DIP2C: variants seen among roughly 807,000 people sequenced by gnomAD.
DIP2C encodes DIP2 acetate--CoA ligase C (putative).
A neutral mutation model predicts 192.4 loss-of-function variants in DIP2C; 33 were observed. The ratio of observed to expected loss-of-function variants is 0.17; its 90% CI spans 0.13 to 0.23. The LOEUF (loss-of-function observed/expected upper bound fraction) is 0.23. Ranked by LOEUF, DIP2C falls within the 10% of genes least tolerant of loss-of-function variation. The probability of loss-of-function intolerance (pLI) is 1.00; values close to 1 mark genes in which losing one functional copy is unlikely to be tolerated. For missense variants in DIP2C, 1,537 were observed against 2,110.1 expected, an observed-to-expected ratio of 0.73 and a Z score of 5.32; for synonymous variants, 979 against 864.1, an observed-to-expected ratio of 1.13 and a Z score of -2.33.
intron 36 of DIP2C, among the ~76,000 whole-genome samples, chr10:278,146 C>T (rs897191336): frequency 2.7e-5 from 4 of 150,444 alleles, no homozygotes; most frequent in Admixed American, 2.0e-4. Context: ...TCTGTGCGCC[C>T]GAGTCCAGCT....
intron 1 of DIP2C, among the ~76,000 whole-genome samples, chr10:496,787 T>C (rs904813847): frequency 6.6e-6 from 1 of 151,924 alleles, no homozygotes; most frequent in Admixed American, 6.6e-5. Context: ...CCAAACAATG[T>C]GAGTGCTGAG....
chr10:330,088 G>C (rs1957436796), intron 29 of DIP2C, among the ~76,000 whole-genome samples: 1 of 152,132 alleles, frequency 6.6e-6, no homozygotes, highest in Non-Finnish European at 1.5e-5. Context: ...GAGCTGAGTG[G>C]TCAGAGACCA....
At chr10:661,188 G>C (rs1028312597) in intron 1 of DIP2C, among the ~76,000 whole-genome samples, 1 of 152,164 alleles carries the variant, frequency 6.6e-6, no homozygotes, top group Non-Finnish European at 1.5e-5. Context: ...GGACCGCACC[G>C]AGTGGATGAC....
chr10:610,083 G>C (rs528217510), intron 1 of DIP2C, among the ~76,000 whole-genome samples: 2 of 152,282 alleles, frequency 1.3e-5, no homozygotes, highest in East Asian at 3.9e-4. Flanking sequence ...CCTGAGTGCC[G>C]GTCAACAGGG....
intron 1 of DIP2C, among the ~76,000 whole-genome samples, chr10:536,017 G>A (rs532893628): frequency 2.0e-5 from 3 of 152,290 alleles, no homozygotes; most frequent in East Asian, 3.9e-4. Flanking sequence ...CAGCTCCCCT[G>A]GGTTTCCATA....
chr10:464,117 A>G (rs1970014467), intron 3 of DIP2C, among the ~76,000 whole-genome samples: 2 of 152,216 alleles, frequency 1.3e-5, no homozygotes, highest in Non-Finnish European at 2.9e-5. Context: ...ACCAAAAGCA[A>G]TAGCAACAAA....
intron 1 of DIP2C, among the ~76,000 whole-genome samples, chr10:500,945 T>C (rs559720878): frequency 3.9e-5 from 6 of 152,292 alleles, no homozygotes; most frequent in East Asian, 1.9e-4. Context: ...AAAAGGCTTG[T>C]AGTTAATTTA....
chr10:364,352 T>C, intron 20 of DIP2C, 22 bp downstream of exon 20: 2 of 1,598,486 alleles, frequency 1.3e-6, no homozygotes, highest in South Asian at 1.1e-5. Flanking sequence ...ACCATATGCT[T>C]GATTTGCAGA....
intron 1 of DIP2C, among the ~76,000 whole-genome samples, chr10:486,823 G>A (rs987987458): frequency 2.6e-5 from 4 of 152,126 alleles, no homozygotes; most frequent in African/African-American, 4.8e-5. Flanking sequence ...ATCCCCACCC[G>A]CTGGCACAGG....
chr10:463,593 T>A (rs1441710304), intron 3 of DIP2C, among the ~76,000 whole-genome samples: 1 of 152,124 alleles, frequency 6.6e-6, no homozygotes, highest in Non-Finnish European at 1.5e-5. Context: ...TTCAATGCTA[T>A]CCCCATCGAG....
intron 1 of DIP2C, among the ~76,000 whole-genome samples, chr10:623,565 G>A (rs1400389967): frequency 9.8e-6 from 1 of 102,540 alleles, no homozygotes; most frequent in Non-Finnish European, 2.0e-5. Context: ...GGGGAGGAGG[G>A]GAGGGATGCA....
At chr10:477,673 AATAG>A (rs898954346) in intron 2 of DIP2C, among the ~76,000 whole-genome samples, 4 of 142,834 alleles carry the variant, frequency 2.8e-5, no homozygotes, top group South Asian at 2.5e-4. Flanking sequence ...GGAAGTGGTG[AATAG>A]ATAGGAGGAA....
chr10:631,193 A>G (rs2131884425), intron 1 of DIP2C: 1 of 152,394 alleles, frequency 6.6e-6, no homozygotes, highest in Non-Finnish European at 1.5e-5. Flanking sequence ...GAGTTCAAAT[A>G]ATTCACATAA....
intron 32 of DIP2C, among the ~76,000 whole-genome samples, chr10:297,333 A>C (rs1955809993): frequency 6.6e-6 from 1 of 150,520 alleles, no homozygotes; most frequent in Non-Finnish European, 1.5e-5. Context: ...GCGCCTATCC[A>C]AAGGAAATGA....
intron 2 of DIP2C, among the ~76,000 whole-genome samples, chr10:479,221 G>A (rs952967524): frequency 2.7e-5 from 4 of 150,782 alleles, no homozygotes. Flanking sequence ...ACACTGGTAA[G>A]AAATTTAATA....
intron 2 of DIP2C, among the ~76,000 whole-genome samples, chr10:478,897 AAG>A (rs1371943400): frequency 6.6e-6 from 1 of 152,058 alleles, no homozygotes; most frequent in African/African-American, 2.4e-5. Context: ...TAGGGGGAGG[AAG>A]AGAGGGGTAG....
At chr10:583,562 G>T (rs189269862) in intron 1 of DIP2C, among the ~76,000 whole-genome samples, 2 of 152,308 alleles carry the variant, frequency 1.3e-5, no homozygotes, top group African/African-American at 4.8e-5. Context: ...ACACAGGTCA[G>T]GGCCCTCTTG....
chr10:352,613 AGGGCCATGGGTCACACCAGGT>A (rs1461641447), intron 24 of DIP2C, among the ~76,000 whole-genome samples: 1 of 152,210 alleles, frequency 6.6e-6, no homozygotes, highest in Non-Finnish European at 1.5e-5. Context: ...ATGGCCAGGC[AGGGCCATGGGTCACACCAGGT>A]GGGCGCCTTT....
At chr10:649,074 CAT>C (rs1320234668) in intron 1 of DIP2C, among the ~76,000 whole-genome samples, 15 of 147,770 alleles carry the variant, frequency 1.0e-4, no homozygotes, top group Admixed American at 2.7e-4. Context: ...TGGGAGAGAA[CAT>C]AGGGAAACTG....
Sources: allele counts gnomAD v4.1 joint callset (sites outside exome capture counted in the v4.1 genomes callset), GRCh38; gene constraint gnomAD v4.1.1; transcripts MANE v1.5; gene names NCBI Gene and HGNC (gene_info 2026-07-23, HGNC 2026-07-21).